Variants in CEP170 observed in about 807,000 individuals in gnomAD.
The protein encoded by CEP170 is centrosomal protein of 170 kDa.
Under a neutral mutation model 151.9 loss-of-function variants are expected in CEP170, and 21 were observed. That is an observed-to-expected ratio of 0.14 (90% confidence interval 0.10 to 0.20). CEP170 has a LOEUF of 0.20. Ranked by LOEUF, CEP170 falls within the 10% of genes least tolerant of loss-of-function variation. The pLI is 1.00. For synonymous variants in CEP170, 356 were observed against 648.8 expected (o/e 0.55, Z 6.86); for missense variants, 964 against 1,892.9 (o/e 0.51, Z 9.11).
At chr1:243,130,221 C>A (rs2054236348) in intron 17 of CEP170, among the ~76,000 whole-genome samples, 1 of 152,068 alleles carries the variant, frequency 6.6e-6, no homozygotes, top group Admixed American at 6.5e-5. Flanking sequence ...ACAATTGTGT[C>A]TGTTAAGACC....
chr1:243,227,198 T>C (rs1369247290), intron 1 of CEP170, among the ~76,000 whole-genome samples: 1 of 152,116 alleles, frequency 6.6e-6, no homozygotes, highest in Non-Finnish European at 1.5e-5. Flanking sequence ...GCTGTTAAGC[T>C]CATGATGGCA....
chr1:243,136,895 T>C (rs1212332142), intron 16 of CEP170, among the ~76,000 whole-genome samples: 4 of 152,064 alleles, frequency 2.6e-5, no homozygotes, highest in Non-Finnish European at 4.4e-5. Context: ...AAGAGTCTAG[T>C]GGGAAACACA....
At chr1:243,232,276 T>C (rs1231712432) in intron 1 of CEP170, among the ~76,000 whole-genome samples, 1 of 152,172 alleles carries the variant, frequency 6.6e-6, no homozygotes, top group Non-Finnish European at 1.5e-5. Context: ...TCAGTGTCTC[T>C]TCTAATACTG....
rs189521769 is a variant in CEP170, at chr1:243,162,087, G to C, written c.3676+2197C>G. The stretch of plus-strand genomic sequence containing the variant: ...TTACAATATGGCTTTACACTCATAA[G>C]GTGGAATAGAGAATATAAACTGGGT... On this transcript the variant is annotated intron_variant, in intron 13 of 19. Coordinates refer to ENST00000366542, the MANE Select transcript of CEP170 (RefSeq NM_014812.3). Among the ~76,000 whole-genome samples the C allele has an allele frequency of 4.2e-3, 640 of 152,214 alleles. 7 individuals carry two copies. The highest frequency in any genetic ancestry group is 4.5e-3 in the Non-Finnish European group (309 of 68,006).
At chr1:243,244,372 CA>C (rs2065158220) in intron 1 of CEP170, among the ~76,000 whole-genome samples, 1 of 152,094 alleles carries the variant, frequency 6.6e-6, no homozygotes, top group African/African-American at 2.4e-5. Flanking sequence ...CACACACACA[CA>C]CACACACCCT....
At chr1:243,194,840 A>G (rs887022245) in intron 7 of CEP170, among the ~76,000 whole-genome samples, 3 of 151,914 alleles carry the variant, frequency 2.0e-5, no homozygotes, top group Non-Finnish European at 2.9e-5. Flanking sequence ...AATCTCAATT[A>G]CTAGATTTTA....
intron 3 of CEP170, among the ~76,000 whole-genome samples, chr1:243,219,034 T>C (rs910369154): frequency 1.3e-5 from 2 of 152,234 alleles, no homozygotes; most frequent in African/African-American, 4.8e-5. Context: ...AGTTCTCTTA[T>C]GACTAAAATG....
chr1:243,251,829 T>G (rs2065965896), intron 1 of CEP170, among the ~76,000 whole-genome samples: 1 of 152,156 alleles, frequency 6.6e-6, no homozygotes, highest in Admixed American at 6.5e-5. Context: ...TGCTGTTTTG[T>G]TTTTCCACCT....
intron 13 of CEP170, among the ~76,000 whole-genome samples, chr1:243,161,271 C>G (rs567692429): frequency 6.6e-6 from 1 of 151,134 alleles, no homozygotes; most frequent in Non-Finnish European, 1.5e-5. Context: ...CCATTACACT[C>G]CAGCCTGGGC....
intron 4 of CEP170, among the ~76,000 whole-genome samples, chr1:243,209,841 C>A (rs925506234): frequency 1.3e-5 from 2 of 151,652 alleles, no homozygotes; most frequent in South Asian, 2.1e-4. Flanking sequence ...TACAGGCGCC[C>A]GCCACCATGC....
At chr1:243,132,681 CA>C (rs2054556720) in intron 17 of CEP170, among the ~76,000 whole-genome samples, 1 of 151,638 alleles carries the variant, frequency 6.6e-6, no homozygotes, top group Non-Finnish European at 1.5e-5. Flanking sequence ...AATTTTAGTT[CA>C]ATGTCAAAGC....
intron 1 of CEP170, among the ~76,000 whole-genome samples, chr1:243,251,276 A>G (rs973796786): frequency 3.9e-5 from 6 of 152,220 alleles, no homozygotes; most frequent in African/African-American, 1.4e-4. Context: ...GATACATTGT[A>G]TGAGCTGACT....
At chr1:243,129,681 CTTA>C (rs1365246039) in intron 17 of CEP170, among the ~76,000 whole-genome samples, 11 of 152,002 alleles carry the variant, frequency 7.2e-5, no homozygotes, top group African/African-American at 2.4e-4. Flanking sequence ...TACTGTTTAT[CTTA>C]TTCTTTATTG....
intron 2 of CEP170, among the ~76,000 whole-genome samples, chr1:243,224,521 C>T (rs1018535582): frequency 1.2e-4 from 18 of 152,040 alleles, no homozygotes; most frequent in African/African-American, 4.3e-4. Context: ...TGTGCTGGGC[C>T]GCATTCAAAG....
At position 243,186,034 on chromosome 1, in the gene CEP170, T is replaced by C. The variant is rs947828693; in HGVS notation, c.1311A>G (p.Pro437=). Residue 437 remains proline (P), a synonymous_variant, in exon 10 of 20, where the codon CCA becomes CCG. Coordinates refer to ENST00000366542, the MANE Select transcript of CEP170 (RefSeq NM_014812.3). ...SAHHRGGHGV[P]HGKLLKQKSE... is the part of the protein sequence containing the mutation. Reference sequence around the variant, plus strand: ...ATTTCTGTTTTAACAATTTCCCATGTGGAACACCATGCCCCCCTCTGTGAT... The same window carrying C: ...ATTTCTGTTTTAACAATTTCCCATGCGGAACACCATGCCCCCCTCTGTGAT... 4 of 1,613,636 alleles carry C rather than the reference T, an allele frequency of 2.5e-6. No individual in the cohort carries two copies. Among genetic ancestry groups the C allele is most frequent in the Non-Finnish European group, 3.4e-6 (4 of 1,179,698 alleles).
At chr1:243,224,103 A>G (rs2063037248) in intron 2 of CEP170, among the ~76,000 whole-genome samples, 1 of 152,230 alleles carries the variant, frequency 6.6e-6, no homozygotes. Context: ...AAACTGAACC[A>G]GAAGGTGCAT....
intron 10 of CEP170, among the ~76,000 whole-genome samples, chr1:243,184,149 T>G (rs1261853559): frequency 6.6e-6 from 1 of 152,104 alleles, no homozygotes; most frequent in Non-Finnish European, 1.5e-5. Flanking sequence ...AGCAATATAA[T>G]AAGATAGGTA....
chr1:243,226,615 T>C (rs1214063775), intron 1 of CEP170, among the ~76,000 whole-genome samples: 2 of 152,236 alleles, frequency 1.3e-5, no homozygotes, highest in African/African-American at 4.8e-5. Flanking sequence ...AAAAATTATA[T>C]AAGCAGTAAT....
At chr1:243,231,394 G>T (rs1039980899) in intron 1 of CEP170, among the ~76,000 whole-genome samples, 2 of 151,778 alleles carry the variant, frequency 1.3e-5, no homozygotes, top group Admixed American at 6.6e-5. Flanking sequence ...ACTGATAAAG[G>T]TATCTATAAA....
Sources: gnomAD v4.1 joint callset for allele counts (sites outside exome capture counted in the v4.1 genomes callset) on GRCh38, gnomAD v4.1.1 for gene constraint, MANE v1.5 for transcripts, NCBI Gene and HGNC (gene_info 2026-07-23, HGNC 2026-07-21) for gene names.